Variants in LHFPL3 observed in about 807,000 individuals in gnomAD.
LHFPL3 encodes LHFPL tetraspan subfamily member 3.
LHFPL3 carries 5 observed loss-of-function variants against 19.3 expected under a neutral mutation model. The observed-to-expected ratio is 0.26, with a 90% CI of 0.14 to 0.54. LHFPL3 has a LOEUF of 0.54. LHFPL3 is among the 20% of genes least tolerant of loss of function. The probability of loss-of-function intolerance (pLI) is 0.94; values close to 1 mark genes in which losing one functional copy is unlikely to be tolerated. For missense variants in LHFPL3, 249 were observed against 307.4 expected (o/e 0.81, Z 1.42); for synonymous variants, 133 against 126.2 (o/e 1.05, Z -0.36).
rs548561754 is a variant in LHFPL3, at chr7:104,850,346, G to A, written c.683-55841G>A. Among the ~76,000 whole-genome samples the A allele has an allele frequency of 3.6e-3, 553 of 152,238 alleles. 3 individuals carry two copies. The highest frequency in any genetic ancestry group is 0.013 in the African/African-American group (524 of 41,544). ...AGTAATTGCGGTTTTTGCCGTTATCGTTTCTAAGGCTAGCCTTGGGGGAGA... is the reference window on the plus strand; with the variant it reads ...AGTAATTGCGGTTTTTGCCGTTATCATTTCTAAGGCTAGCCTTGGGGGAGA... On this transcript the variant is annotated intron_variant, in intron 2 of 2. Transcript: ENST00000424859.
intron 1 of LHFPL3, among the ~76,000 whole-genome samples, chr7:104,385,658 A>G (rs1790925683): frequency 8.5e-6 from 1 of 118,250 alleles, no homozygotes; most frequent in African/African-American, 3.0e-5. Flanking sequence ...TCACTTACTC[A>G]TGGCAATTTA....
intron 1 of LHFPL3, among the ~76,000 whole-genome samples, chr7:104,476,407 T>C (rs891508100): frequency 1.3e-5 from 2 of 152,108 alleles, no homozygotes; most frequent in African/African-American, 4.8e-5. Flanking sequence ...TGACTTACAC[T>C]GAAATGACAG....
intron 1 of LHFPL3, among the ~76,000 whole-genome samples, chr7:104,482,334 C>T (rs552222372): frequency 6.6e-6 from 1 of 152,328 alleles, no homozygotes; most frequent in Admixed American, 6.5e-5. Context: ...CTAGGAACCA[C>T]ATCTAAGACA....
chr7:104,585,213 G>A (rs1584418444), intron 1 of LHFPL3, among the ~76,000 whole-genome samples: 1 of 151,932 alleles, frequency 6.6e-6, no homozygotes, highest in South Asian at 2.1e-4. Flanking sequence ...TATGGTACCT[G>A]GCGACTACCA....
At chr7:104,427,029 C>T (rs1326778226) in intron 1 of LHFPL3, among the ~76,000 whole-genome samples, 2 of 152,200 alleles carry the variant, frequency 1.3e-5, no homozygotes, top group Non-Finnish European at 2.9e-5. Context: ...TTATAGAGTT[C>T]TGTACCTGTT....
chr7:104,768,262 G>A (rs1794494037), intron 2 of LHFPL3, among the ~76,000 whole-genome samples: 1 of 152,116 alleles, frequency 6.6e-6, no homozygotes, highest in Non-Finnish European at 1.5e-5. Context: ...GACCTGGTCA[G>A]TGGGCTGAGG....
chr7:104,446,478 C>G (rs1792332058), intron 1 of LHFPL3, among the ~76,000 whole-genome samples: 1 of 152,164 alleles, frequency 6.6e-6, no homozygotes, highest in Admixed American at 6.5e-5. Flanking sequence ...TATGTTTTTT[C>G]TGTATCAATA....
At chr7:104,565,045 G>T (rs76562589) in intron 1 of LHFPL3, among the ~76,000 whole-genome samples, 2 of 152,146 alleles carry the variant, frequency 1.3e-5, no homozygotes, top group Non-Finnish European at 2.9e-5. Flanking sequence ...AAATAACTTT[G>T]TGTGGCCTGC....
Position 104,329,136 on chromosome 7 carries a change from C to T in LHFPL3, c.357C>T (p.Ile119=), listed in dbSNP as rs373266217. ...TTATCGGCCTCTCCATGATGCTCAT[C>T]ATTGCCTGCATCATTTGCTTTACCC... ...SFFIGLSMML[I]IACIICFTLF... Residue 119 remains isoleucine (I), a synonymous_variant, in exon 1 of 3, where the codon ATC becomes ATT. Coordinates refer to ENST00000424859, the MANE Select transcript of LHFPL3 (RefSeq NM_199000.3). 1.1e-5 allele frequency: 17 copies of T among 1,613,956 alleles called. No homozygotes were observed. The highest frequency in any genetic ancestry group is 1.7e-5 in the Admixed American group (1 of 60,018).
At position 104,735,494 on chromosome 7, in the gene LHFPL3, G is replaced by A. The variant is rs139241581; in HGVS notation, c.446-1181G>A. 7.1e-3 allele frequency among the ~76,000 whole-genome samples: 1,083 copies of A among 152,358 alleles called. 7 individuals carry two copies. Among genetic ancestry groups the A allele is most frequent in the Non-Finnish European group, 0.01 (694 of 68,034 alleles). On this transcript the variant is annotated intron_variant, in intron 1 of 2. Coordinates refer to ENST00000424859, the MANE Select transcript of LHFPL3 (RefSeq NM_199000.3). The stretch of plus-strand genomic sequence containing the variant: ...CTGTGCTAGCAATGAGCAAGGCTCC[G>A]TGGGCATAGGACCCTCCGAGCCAGT...
chr7:104,417,364 A>T (rs1471577273), intron 1 of LHFPL3, among the ~76,000 whole-genome samples: 1 of 152,194 alleles, frequency 6.6e-6, no homozygotes, highest in Non-Finnish European at 1.5e-5. Flanking sequence ...TCCCTGTTTC[A>T]TCATATTCCC....
At chr7:104,617,834 G>C (rs1251209911) in intron 1 of LHFPL3, among the ~76,000 whole-genome samples, 1 of 152,166 alleles carries the variant, frequency 6.6e-6, no homozygotes, top group Non-Finnish European at 1.5e-5. Flanking sequence ...TGTGTATCTA[G>C]AGAAAATCTG....
chr7:104,349,206 T>C (rs1790129698), intron 1 of LHFPL3, among the ~76,000 whole-genome samples: 1 of 152,210 alleles, frequency 6.6e-6, no homozygotes, highest in Non-Finnish European at 1.5e-5. Flanking sequence ...TCAAGTCTCC[T>C]TCAAAATATA....
chr7:104,561,583 T>C (rs1393663029), intron 1 of LHFPL3, among the ~76,000 whole-genome samples: 6 of 152,164 alleles, frequency 3.9e-5, no homozygotes, highest in South Asian at 2.1e-4. Flanking sequence ...TGTCTCTGCA[T>C]GTGAGATGGG....
intron 2 of LHFPL3, among the ~76,000 whole-genome samples, chr7:104,879,230 A>G (rs1214602761): frequency 6.6e-6 from 1 of 152,184 alleles, no homozygotes; most frequent in Non-Finnish European, 1.5e-5. Context: ...CAGCCTGGGC[A>G]ATATGCGAGA....
chr7:104,381,205 G>C (rs888973684), intron 1 of LHFPL3, among the ~76,000 whole-genome samples: 1 of 152,122 alleles, frequency 6.6e-6, no homozygotes, highest in African/African-American at 2.4e-5. Context: ...ATTAAAGTGG[G>C]TGCTATTCTT....
chr7:104,814,394 C>T (rs754984690), intron 2 of LHFPL3, among the ~76,000 whole-genome samples: 4 of 152,168 alleles, frequency 2.6e-5, no homozygotes, highest in Non-Finnish European at 5.9e-5. Context: ...GGTTGCTCCT[C>T]TTTGCAGCTG....
chr7:104,668,566 G>A, intron 1 of LHFPL3: 1 of 1,613,032 alleles, frequency 6.2e-7, no homozygotes. Context: ...ATAGGCAGTG[G>A]CAGAAGAGCA....
At chr7:104,540,299 G>A (rs1183966468) in intron 1 of LHFPL3, among the ~76,000 whole-genome samples, 1 of 152,136 alleles carries the variant, frequency 6.6e-6, no homozygotes. Context: ...TGGTTGGTAG[G>A]GGGACAGAAA....
Sources: gnomAD v4.1 joint callset for allele counts (sites outside exome capture counted in the v4.1 genomes callset) on GRCh38, gnomAD v4.1.1 for gene constraint, MANE v1.5 for transcripts, NCBI Gene and HGNC (gene_info 2026-07-23, HGNC 2026-07-21) for gene names.